Variants in SORCS1 observed in about 807,000 individuals in gnomAD.
SORCS1 encodes VPS10 domain-containing receptor SorCS1.
SORCS1 carries 60 observed loss-of-function variants against 146.1 expected under a neutral mutation model. The ratio of observed to expected loss-of-function variants is 0.41; its 90% CI spans 0.33 to 0.51. The LOEUF (loss-of-function observed/expected upper bound fraction) is 0.51, where lower values mean the gene tolerates loss of function less well. Among genes scored for constraint, SORCS1 ranks in the 20% least tolerant of loss-of-function variants. The pLI is 0.21. For synonymous variants in SORCS1, 637 were observed against 584.0 expected (o/e 1.09, Z -1.31); for missense variants, 1,352 against 1,487.6 (o/e 0.91, Z 1.50).
chr10:106,644,469 C>G (rs986941659), intron 18 of SORCS1, among the ~76,000 whole-genome samples: 3 of 152,068 alleles, frequency 2.0e-5, no homozygotes, highest in African/African-American at 7.2e-5. Flanking sequence ...CAGGTTCAAG[C>G]AATTCTCCTG....
chr10:106,838,892 T>A (rs1475891844), intron 2 of SORCS1, among the ~76,000 whole-genome samples: 1 of 152,190 alleles, frequency 6.6e-6, no homozygotes, highest in Non-Finnish European at 1.5e-5. Context: ...TGATCAGTGA[T>A]CTTTGATGTT....
intron 3 of SORCS1, among the ~76,000 whole-genome samples, chr10:106,807,944 C>T (rs952821114): frequency 2.0e-5 from 3 of 152,266 alleles, no homozygotes; most frequent in African/African-American, 7.2e-5. Context: ...ATGAGTCCTT[C>T]AAAAGCCTCT....
At chr10:107,038,761 CTCTG>C (rs1959030892) in intron 1 of SORCS1, among the ~76,000 whole-genome samples, 1 of 151,892 alleles carries the variant, frequency 6.6e-6, no homozygotes, top group Non-Finnish European at 1.5e-5. Context: ...CAATATTATA[CTCTG>C]TCTTTTAATC....
At chr10:107,073,880 T>C (rs909834683) in intron 1 of SORCS1, among the ~76,000 whole-genome samples, 8 of 152,164 alleles carry the variant, frequency 5.3e-5, no homozygotes, top group African/African-American at 1.9e-4. Flanking sequence ...GACTTTTTTT[T>C]TTTAACATAG....
chr10:106,928,271 G>A (rs192217483), intron 2 of SORCS1, among the ~76,000 whole-genome samples: 2 of 152,354 alleles, frequency 1.3e-5, no homozygotes, highest in Admixed American at 6.5e-5. Flanking sequence ...CTAAGGCCAG[G>A]CGAGAAATCG....
chr10:106,614,199 G>A (rs1847198874), intron 21 of SORCS1, among the ~76,000 whole-genome samples: 1 of 152,094 alleles, frequency 6.6e-6, no homozygotes. Flanking sequence ...TTGAATAAAT[G>A]TATGCTTAAC....
At chr10:106,647,841 T>C (rs1849561937) in intron 18 of SORCS1, among the ~76,000 whole-genome samples, 1 of 152,164 alleles carries the variant, frequency 6.6e-6, no homozygotes. Context: ...TTACTGATAT[T>C]TGAGTATATA....
At position 106,799,310 on chromosome 10, in the gene SORCS1, C is replaced by A. The variant is rs542086503; in HGVS notation, c.727-22618G>T. Among the ~76,000 whole-genome samples, 15 of 152,264 alleles carry A rather than the reference C, an allele frequency of 9.9e-5. No individual in the cohort carries two copies. The South Asian group carries it at 1.4e-3, about 15-fold the overall frequency. ...AAACCTAGGCAATACCATTCAGGAC[C>A]TAGGCATGGGCAAGCACTTCATGTC... On this transcript the variant is annotated intron_variant, in intron 3 of 25. Transcript: ENST00000263054.
chr10:106,654,490 C>A (rs1306650635), intron 17 of SORCS1, among the ~76,000 whole-genome samples: 1 of 152,180 alleles, frequency 6.6e-6, no homozygotes, highest in Non-Finnish European at 1.5e-5. Context: ...ATTCTTTATA[C>A]CTTGTATGAT....
At chr10:107,034,030 T>C (rs7078098) in intron 1 of SORCS1, among the ~76,000 whole-genome samples, 54,462 of 151,992 alleles carry the variant, frequency 0.36, 9,793 homozygotes, top group Admixed American at 0.41. Context: ...GGTAGTGGGG[T>C]GGGAAAACTG....
chr10:106,821,853 CAG>C (rs932933413), intron 3 of SORCS1, among the ~76,000 whole-genome samples: 3 of 151,252 alleles, frequency 2.0e-5, no homozygotes, highest in African/African-American at 4.9e-5. Context: ...CCCTGGGAGG[CAG>C]AGCTTGCAGT....
Position 107,157,823 on chromosome 10 carries a change from C to A in SORCS1, c.558+6146G>T, listed in dbSNP as rs150965739. On this transcript the variant is annotated intron_variant, in intron 1 of 25. Coordinates refer to ENST00000263054, the MANE Select transcript of SORCS1 (RefSeq NM_052918.5). The stretch of plus-strand genomic sequence containing the variant: ...CAGGAACCACTGCACTTTTATGGAG[C>A]CTGGCCTCACCTCGCAATGAACACA... 7.0e-4 allele frequency among the ~76,000 whole-genome samples: 107 copies of A among 152,294 alleles called. 1 individual carries two copies. Among genetic ancestry groups the A allele is most frequent in the African/African-American group, 2.2e-3 (93 of 41,556 alleles).
intron 1 of SORCS1, among the ~76,000 whole-genome samples, chr10:107,135,198 CT>C (rs1967182933): frequency 6.6e-6 from 1 of 152,042 alleles, no homozygotes; most frequent in Non-Finnish European, 1.5e-5. Context: ...ATTTTATGTC[CT>C]TTCTAAAACA....
At chr10:106,876,263 C>T (rs779013206) in intron 2 of SORCS1, among the ~76,000 whole-genome samples, 2 of 152,014 alleles carry the variant, frequency 1.3e-5, no homozygotes, top group African/African-American at 4.8e-5. Flanking sequence ...ATTATTTGTG[C>T]TTTATTATTG....
intron 24 of SORCS1, among the ~76,000 whole-genome samples, chr10:106,585,062 A>G (rs554998083): frequency 1.1e-4 from 16 of 152,164 alleles, no homozygotes; most frequent in African/African-American, 3.6e-4. Flanking sequence ...AAACATGTAT[A>G]GTCCAAAAAA....
chr10:106,660,367 T>A (rs1019791659), intron 17 of SORCS1, among the ~76,000 whole-genome samples: 4 of 152,228 alleles, frequency 2.6e-5, no homozygotes, highest in Admixed American at 6.5e-5. Flanking sequence ...ATCCATCACC[T>A]CAAACATTTA....
At chr10:106,717,798 A>T (rs983808462) in intron 6 of SORCS1, among the ~76,000 whole-genome samples, 3 of 152,214 alleles carry the variant, frequency 2.0e-5, no homozygotes, top group Admixed American at 6.5e-5. Context: ...ACAATGCAGC[A>T]TGGTGAGCGC....
At chr10:107,056,772 CAGAG>C (rs1482783636) in intron 1 of SORCS1, among the ~76,000 whole-genome samples, 2 of 152,202 alleles carry the variant, frequency 1.3e-5, no homozygotes, top group African/African-American at 4.8e-5. Flanking sequence ...CCAAGACAGA[CAGAG>C]AAAGTCAGAG....
intron 14 of SORCS1, among the ~76,000 whole-genome samples, chr10:106,673,708 T>C (rs527814928): frequency 2.6e-5 from 4 of 152,328 alleles, no homozygotes; most frequent in African/African-American, 9.6e-5. Flanking sequence ...CATGCTATTT[T>C]ACTTTCCCAC....
Sources: allele counts gnomAD v4.1 joint callset (sites outside exome capture counted in the v4.1 genomes callset), GRCh38; gene constraint gnomAD v4.1.1; transcripts MANE v1.5; gene names NCBI Gene and HGNC (gene_info 2026-07-23, HGNC 2026-07-21).